UNC79: variants seen among roughly 807,000 people sequenced by gnomAD.
UNC79 encodes the protein unc-79 subunit of NALCN channel complex.
Under a neutral mutation model 283.1 loss-of-function variants are expected in UNC79, and 37 were observed. The ratio of observed to expected loss-of-function variants is 0.13; its 90% confidence interval spans 0.10 to 0.17. UNC79 has a LOEUF of 0.17. UNC79 is among the 10% of genes least tolerant of loss of function. The probability of loss-of-function intolerance (pLI) is 1.00; values close to 1 mark genes in which losing one functional copy is unlikely to be tolerated. For synonymous variants in UNC79, 1,107 were observed against 1,200.2 expected, an observed-to-expected ratio of 0.92 and a Z score of 1.61; for missense variants, 2,272 against 3,211.1, an observed-to-expected ratio of 0.71 and a Z score of 7.07.
intron 1 of UNC79, among the ~76,000 whole-genome samples, chr14:93,459,047 C>T (rs553490263): frequency 5.3e-5 from 8 of 152,260 alleles, no homozygotes; most frequent in Non-Finnish European, 2.9e-5. Context: ...GCTGCAGTGC[C>T]GTGGCGTGAT....
intron 30 of UNC79, among the ~76,000 whole-genome samples, chr14:93,625,040 C>T (rs1257603662): frequency 1.3e-5 from 2 of 152,246 alleles, no homozygotes; most frequent in African/African-American, 4.8e-5. Flanking sequence ...GAAGCTTTCT[C>T]CTTCGTTACC....
At chr14:93,409,955 A>T (rs1483398520) in intron 1 of UNC79, among the ~76,000 whole-genome samples, 1 of 152,244 alleles carries the variant, frequency 6.6e-6, no homozygotes, top group African/African-American at 2.4e-5. Flanking sequence ...ACACCAATTT[A>T]ACAACTATTT....
chr14:93,518,661 C>T (rs1282974160), intron 7 of UNC79, among the ~76,000 whole-genome samples: 1 of 151,824 alleles, frequency 6.6e-6, no homozygotes, highest in Non-Finnish European at 1.5e-5. Context: ...AATATTTTCT[C>T]ATATAATAAT....
At chr14:93,636,750 T>A (rs185547905) in intron 31 of UNC79, among the ~76,000 whole-genome samples, 1 of 152,164 alleles carries the variant, frequency 6.6e-6, no homozygotes, top group Non-Finnish European at 1.5e-5. Flanking sequence ...CTCCCCCTTA[T>A]TCCTGTTCCC....
chr14:93,535,670 T>C (rs1402271904), intron 11 of UNC79, among the ~76,000 whole-genome samples: 1 of 152,146 alleles, frequency 6.6e-6, no homozygotes, highest in East Asian at 1.9e-4. Context: ...AAGACTAGGC[T>C]AAGCCAGCGC....
At chr14:93,447,998 G>A (rs933639471) in intron 1 of UNC79, among the ~76,000 whole-genome samples, 6 of 152,036 alleles carry the variant, frequency 3.9e-5, no homozygotes, top group African/African-American at 1.5e-4. Context: ...CTTTGTGTTT[G>A]TCATTTCAAG....
intron 40 of UNC79, among the ~76,000 whole-genome samples, chr14:93,671,018 C>T (rs1031904156): frequency 6.6e-6 from 1 of 152,162 alleles, no homozygotes; most frequent in African/African-American, 2.4e-5. Flanking sequence ...AAAAGTCTTA[C>T]AAAATTGAAA....
Position 93,467,663 on chromosome 14 carries a change from T to TTTTTTTTTA in UNC79, c.23-7_23-6insTTTTTTTAT. 2.4e-6 allele frequency: 3 copies of TTTTTTTTTA among 1,251,866 alleles called. No homozygotes were observed. Among genetic ancestry groups the TTTTTTTTTA allele is most frequent in the Non-Finnish European group, 3.0e-6 (3 of 1,003,478 alleles). 77.5% of individuals were successfully genotyped at this position (1,251,866 alleles called of 1,614,324 possible). ...TTTTTTTTTTTTTTTTTTTTTGCTT[T>TTTTTTTTTA]TATCTAGTTGCTTCCAAGATCCGGT... On this transcript the variant is annotated splice_region_variant and splice_polypyrimidine_tract_variant and intron_variant, in intron 1 of 48. Coordinates refer to ENST00000555664, the Ensembl canonical transcript of UNC79.
At chr14:93,694,236 C>G in intron 46 of UNC79, 99 bp from the exon 50 acceptor site, 2 of 1,073,238 alleles carry the variant, frequency 1.9e-6, no homozygotes, top group Non-Finnish European at 2.8e-6. Flanking sequence ...ACAGAAAGAC[C>G]TCATGGGCAC....
intron 33 of UNC79, 37 bp downstream of exon 36, chr14:93,641,284 A>G: frequency 6.3e-7 from 1 of 1,581,568 alleles, no homozygotes; most frequent in Non-Finnish European, 8.6e-7. Context: ...CCATGTTTAC[A>G]GAATTTAAGT....
At chr14:93,409,671 G>C (rs1245657915) in intron 1 of UNC79, among the ~76,000 whole-genome samples, 1 of 152,094 alleles carries the variant, frequency 6.6e-6, no homozygotes, top group African/African-American at 2.4e-5. Context: ...CTGGGTGACA[G>C]AGCAAGACCC....
At chr14:93,361,436 A>G (rs1321105689) in intron 1 of UNC79, among the ~76,000 whole-genome samples, 1 of 151,202 alleles carries the variant, frequency 6.6e-6, no homozygotes, top group African/African-American at 2.4e-5. Flanking sequence ...GCTTGAGCCC[A>G]GGACATTAAG....
intron 7 of UNC79, among the ~76,000 whole-genome samples, chr14:93,521,841 A>G (rs946318122): frequency 6.7e-5 from 10 of 149,280 alleles, no homozygotes; most frequent in African/African-American, 2.5e-4. Context: ...TTGTCCTTAT[A>G]TCAAAATCAA....
At chr14:93,386,261 G>A (rs2054772422) in intron 1 of UNC79, among the ~76,000 whole-genome samples, 3 of 152,110 alleles carry the variant, frequency 2.0e-5, no homozygotes, top group Admixed American at 1.3e-4. Flanking sequence ...CTGTTCATAT[G>A]ATGTATCATA....
chr14:93,552,205 G>A (rs999898123), intron 14 of UNC79, among the ~76,000 whole-genome samples: 2 of 152,220 alleles, frequency 1.3e-5, no homozygotes, highest in Non-Finnish European at 2.9e-5. Context: ...GCTGGAGAAT[G>A]AGTCTCCTGG....
At position 93,515,202 on chromosome 14, in the gene UNC79, C is replaced by G. The variant is rs114352371; in HGVS notation, c.899-8776C>G. ...AGTTTTGTAGCCTTTGACCAACATT[C>G]CCCAAATTCTACCCCCCATTATATT... On this transcript the variant is annotated intron_variant, in intron 7 of 48. Transcript: ENST00000555664. Among the ~76,000 whole-genome samples the G allele has an allele frequency of 4.6e-3, 699 of 151,944 alleles. 3 individuals are homozygous for G. Among genetic ancestry groups the G allele is most frequent in the African/African-American group, 0.016 (666 of 41,450 alleles).
chr14:93,566,420 A>T (rs952965995), intron 14 of UNC79, among the ~76,000 whole-genome samples: 8 of 152,128 alleles, frequency 5.3e-5, no homozygotes, highest in African/African-American at 1.7e-4. Context: ...GGGAATTGAC[A>T]TCAGGGGTAA....
chr14:93,499,418 A>G (rs1167108374), intron 7 of UNC79, among the ~76,000 whole-genome samples: 1 of 152,222 alleles, frequency 6.6e-6, no homozygotes, highest in Non-Finnish European at 1.5e-5. Flanking sequence ...ACATTTATTT[A>G]TTTGATAAAT....
At chr14:93,567,410 A>G (rs1048278645) in intron 14 of UNC79, among the ~76,000 whole-genome samples, 3 of 152,018 alleles carry the variant, frequency 2.0e-5, no homozygotes, top group African/African-American at 7.2e-5. Context: ...TATTTTTAGT[A>G]GTGATGGGGT....
Sources: allele counts gnomAD v4.1 joint callset (sites outside exome capture counted in the v4.1 genomes callset), GRCh38; gene constraint gnomAD v4.1.1; transcripts MANE v1.5; gene names NCBI Gene and HGNC (gene_info 2026-07-23, HGNC 2026-07-21).